The following PTPRD variants were observed in gnomAD, a reference collection of about 807,000 sequenced individuals.
PTPRD encodes receptor-type tyrosine-protein phosphatase delta.
Under a neutral mutation model 214.5 loss-of-function variants are expected in PTPRD, and 34 were observed. The ratio of observed to expected loss-of-function variants is 0.16; its 90% CI spans 0.12 to 0.21. The LOEUF is 0.21. PTPRD is among the 10% of genes least tolerant of loss of function. PTPRD has a pLI of 1.00. For missense variants in PTPRD, 2,545 were observed against 2,398.7 expected (o/e 1.06, Z -1.27); for synonymous variants, 1,128 against 845.7 (o/e 1.33, Z -5.79).
chr9:10,078,337 C>A (rs1214549968), intron 3 of PTPRD, among the ~76,000 whole-genome samples: 1 of 134,188 alleles, frequency 7.5e-6, no homozygotes, highest in East Asian at 2.2e-4. Flanking sequence ...ATGGTGAAAC[C>A]CCATCTCTTC....
intron 2 of PTPRD, among the ~76,000 whole-genome samples, chr9:10,351,642 C>G (rs1238781356): frequency 6.7e-6 from 1 of 148,796 alleles, no homozygotes; most frequent in East Asian, 2.0e-4. Flanking sequence ...GAGGTTAGTA[C>G]CTCTCATATT....
intron 12 of PTPRD, among the ~76,000 whole-genome samples, chr9:8,650,852 A>G (rs1203966647): frequency 1.3e-5 from 2 of 151,590 alleles, no homozygotes; most frequent in East Asian, 3.9e-4. Flanking sequence ...TCCCTTCCAG[A>G]TATTTTTCAC....
chr9:9,289,201 C>G (rs1402085546), intron 9 of PTPRD, among the ~76,000 whole-genome samples: 5 of 151,738 alleles, frequency 3.3e-5, no homozygotes, highest in African/African-American at 1.2e-4. Context: ...ATTAATTAAA[C>G]TAACACCATC....
At chr9:9,709,170 T>A (rs891803452) in intron 7 of PTPRD, among the ~76,000 whole-genome samples, 2 of 152,040 alleles carry the variant, frequency 1.3e-5, no homozygotes, top group Admixed American at 6.5e-5. Flanking sequence ...TGAATATTTT[T>A]AAAATATGCT....
At chr9:8,446,737 T>C (rs1173271052) in intron 34 of PTPRD, among the ~76,000 whole-genome samples, 1 of 152,194 alleles carries the variant, frequency 6.6e-6, no homozygotes, top group Admixed American at 6.5e-5. Flanking sequence ...GAAATGTAAA[T>C]AATTTAAAAA....
chr9:10,122,059 G>A (rs1400368008), intron 3 of PTPRD, among the ~76,000 whole-genome samples: 1 of 152,182 alleles, frequency 6.6e-6, no homozygotes, highest in Non-Finnish European at 1.5e-5. Flanking sequence ...TGTAATCCCA[G>A]CATTGTGGGA....
At chr9:9,541,883 G>A (rs687232) in intron 8 of PTPRD, among the ~76,000 whole-genome samples, 1 of 151,832 alleles carries the variant, frequency 6.6e-6, no homozygotes, top group African/African-American at 2.4e-5. Flanking sequence ...GTTGGGTGGG[G>A]AAGAGAGGTA....
chr9:8,392,669 A>G (rs1193469114), intron 36 of PTPRD, among the ~76,000 whole-genome samples: 1 of 152,158 alleles, frequency 6.6e-6, no homozygotes, highest in Non-Finnish European at 1.5e-5. Flanking sequence ...CCTATTTGTA[A>G]GAAGGTAGTA....
At chr9:8,324,509 A>G (rs1831646651) in intron 44 of PTPRD, among the ~76,000 whole-genome samples, 1 of 152,094 alleles carries the variant, frequency 6.6e-6, no homozygotes, top group Non-Finnish European at 1.5e-5. Flanking sequence ...ATTGATGGAC[A>G]TTTGGGTTGC....
At position 9,593,971 on chromosome 9, in the gene PTPRD, G is replaced by A. The variant is rs2093025809; in HGVS notation, c.-286-19190C>T. On this transcript the variant is annotated intron_variant, in intron 7 of 45. Transcript: ENST00000381196. ...CCTGAGAAAAGGGGATTGGAGCCCT[G>A]GCTATCTATTGGTATGACAATATAG... Among the ~76,000 whole-genome samples the A allele has an allele frequency of 2.6e-5, 4 of 152,154 alleles. No individual in the cohort carries two copies. In the South Asian group the frequency reaches 6.2e-4, roughly 24 times the overall value.
chr9:9,336,456 G>T (rs184508949), intron 9 of PTPRD, among the ~76,000 whole-genome samples: 3 of 152,132 alleles, frequency 2.0e-5, no homozygotes, highest in Non-Finnish European at 4.4e-5. Flanking sequence ...TGTCCAACCA[G>T]GTGATGATGG....
At chr9:9,929,459 T>C (rs143249895) in intron 5 of PTPRD, among the ~76,000 whole-genome samples, 11 of 152,294 alleles carry the variant, frequency 7.2e-5, no homozygotes, top group South Asian at 6.2e-4. Context: ...AGTGGCGTGA[T>C]CTTGTCTCAC....
intron 6 of PTPRD, among the ~76,000 whole-genome samples, chr9:9,760,971 C>T (rs2154475512): frequency 6.6e-6 from 1 of 152,270 alleles, no homozygotes; most frequent in East Asian, 1.9e-4. Context: ...AATGGTACAG[C>T]TACACTGAAA....
intron 4 of PTPRD, among the ~76,000 whole-genome samples, chr9:9,967,081 G>T (rs76089450): frequency 0.018 from 2,795 of 152,170 alleles, 42 homozygotes; most frequent in East Asian, 0.067. Context: ...CTTCACCAGG[G>T]TAAGTCCCTG....
intron 8 of PTPRD, among the ~76,000 whole-genome samples, chr9:9,508,615 T>C (rs16929632): frequency 6.6e-6 from 1 of 151,660 alleles, no homozygotes; most frequent in Non-Finnish European, 1.5e-5. Context: ...CCACATTTTA[T>C]AAACTATCAC....
intron 3 of PTPRD, among the ~76,000 whole-genome samples, chr9:10,274,924 T>G (rs904514818): frequency 3.9e-5 from 6 of 152,124 alleles, no homozygotes; most frequent in African/African-American, 7.2e-5. Flanking sequence ...TTGTAGTGAC[T>G]AGGGATGGAG....
At chr9:8,773,069 T>C (rs1308457968) in intron 11 of PTPRD, among the ~76,000 whole-genome samples, 1 of 152,196 alleles carries the variant, frequency 6.6e-6, no homozygotes, top group Non-Finnish European at 1.5e-5. Flanking sequence ...GAATGGCCTA[T>C]GAATTATGGA....
At chr9:9,783,446 G>A (rs1014728781) in intron 5 of PTPRD, among the ~76,000 whole-genome samples, 4 of 152,110 alleles carry the variant, frequency 2.6e-5, no homozygotes, top group South Asian at 4.1e-4. Context: ...TATATGCTGG[G>A]GTACACTGTT....
chr9:9,904,700 A>C (rs551496606), intron 5 of PTPRD, among the ~76,000 whole-genome samples: 1 of 152,018 alleles, frequency 6.6e-6, no homozygotes, highest in Non-Finnish European at 1.5e-5. Flanking sequence ...GGCAAAATAT[A>C]AGGTTAAAAA....
Sources: gnomAD v4.1 joint callset for allele counts (sites outside exome capture counted in the v4.1 genomes callset) on GRCh38, gnomAD v4.1.1 for gene constraint, MANE v1.5 for transcripts, NCBI Gene and HGNC (gene_info 2026-07-23, HGNC 2026-07-21) for gene names.